GALNT9: variants seen among roughly 807,000 people sequenced by gnomAD.
GALNT9 encodes polypeptide N-acetylgalactosaminyltransferase 9, also known as GalNAc transferase 9.
In GALNT9, 47 loss-of-function variants were observed where a neutral mutation model predicts 63.1. The ratio of observed to expected loss-of-function variants is 0.75; its 90% CI spans 0.59 to 0.95. The LOEUF (loss-of-function observed/expected upper bound fraction) is 0.95, where lower values mean the gene tolerates loss of function less well. Among genes scored for constraint, GALNT9 ranks in the 40% least tolerant of loss-of-function variants. The pLI, the probability that GALNT9 is intolerant of heterozygous loss-of-function variation, is 0.00. For missense variants in GALNT9, 829 were observed against 874.8 expected, an observed-to-expected ratio of 0.95 and a Z score of 0.66; for synonymous variants, 396 against 365.7, an observed-to-expected ratio of 1.08 and a Z score of -0.94.
chr12:132,312,079 G>C (rs1881834735), intron 1 of GALNT9, among the ~76,000 whole-genome samples: 1 of 152,174 alleles, frequency 6.6e-6, no homozygotes, highest in Admixed American at 6.5e-5. Flanking sequence ...GGTCTTTTAA[G>C]ATTACCTGGG....
At position 132,316,222 on chromosome 12, in the gene GALNT9, C is replaced by G. The variant is rs1192724084; in HGVS notation, c.238+12744G>C. Among the ~76,000 whole-genome samples the G allele has an allele frequency of 4.6e-5, 7 of 152,008 alleles. No individual in the cohort carries two copies. Among genetic ancestry groups the G allele is most frequent in the African/African-American group, 1.7e-4 (7 of 41,374 alleles). On this transcript the variant is annotated intron_variant, in intron 1 of 10. Transcript: ENST00000328957. This position sits in a 1 kb window ranked among gnomAD's most constrained non-coding sequence, Gnocchi z 4.3. ...CCAGCAGAGGCATGAAGCTGGATCACAGTCAGTGCCTGCCCCGGGCCCCGA... is the reference window on the plus strand; with the variant it reads ...CCAGCAGAGGCATGAAGCTGGATCAGAGTCAGTGCCTGCCCCGGGCCCCGA...
At position 132,238,605 on chromosome 12, in the gene GALNT9, G is replaced by C. The variant is rs2136896153; in HGVS notation, c.1077+9305C>G. 2.4e-3 allele frequency among the ~76,000 whole-genome samples: 359 copies of C among 152,266 alleles called. 1 individual carries two copies. The highest frequency in any genetic ancestry group is 8.1e-3 in the African/African-American group (338 of 41,544). On this transcript the variant is annotated intron_variant, in intron 6 of 10. Transcript: ENST00000328957. This position sits in a 1 kb window ranked among gnomAD's most constrained non-coding sequence, Gnocchi z 6.5. The stretch of plus-strand genomic sequence containing the variant: ...CTCCTGGCCTGGCTGACCTGCACCT[G>C]GGCCAGTGGAAGGCGAAGGTGGGCA...
At chr12:132,220,606 G>A (rs2135519828) in intron 6 of GALNT9, among the ~76,000 whole-genome samples, 1 of 152,314 alleles carries the variant, frequency 6.6e-6, no homozygotes, top group East Asian at 1.9e-4. Flanking sequence ...GTTCCTTGGA[G>A]TGCAGAACCA....
At chr12:132,247,664 C>T (rs782082857) in intron 6 of GALNT9, 1 of 421,030 alleles carries the variant, frequency 2.4e-6, no homozygotes, top group South Asian at 2.9e-5. Context: ...TCGCCCTCAC[C>T]CCGTCCCCGG....
chr12:132,223,044 CAGACACA>C, intron 6 of GALNT9, among the ~76,000 whole-genome samples: 1 of 107,818 alleles, frequency 9.3e-6, no homozygotes, highest in Non-Finnish European at 2.0e-5. Flanking sequence ...CCCACACACA[CAGACACA>C]CCACACAACC....
At chr12:132,235,159 T>C (rs1374554058) in intron 6 of GALNT9, among the ~76,000 whole-genome samples, 12 of 61,910 alleles carry the variant, frequency 1.9e-4, no homozygotes, top group South Asian at 1.5e-3. Flanking sequence ...CTCGATGGGG[T>C]GACAGGGACA....
chr12:132,298,189 G>A (rs28578989), intron 1 of GALNT9, among the ~76,000 whole-genome samples: 25,414 of 151,306 alleles, frequency 0.17, 2,307 homozygotes, highest in African/African-American at 0.25. Context: ...TAACTAACTC[G>A]TTCCCAAGGA....
Position 132,244,782 on chromosome 12 carries a change from G to GGA in GALNT9, c.1077+3127_1077+3128insTC, listed in dbSNP as rs782669430. On this transcript the variant is annotated intron_variant, in intron 6 of 10. Transcript: ENST00000328957. ...GGGCGTGGTGATGGGGCTGGACGGG[G>GGA]GCGTGGTGATGGGGCTGGACGGGCA... Among the ~76,000 whole-genome samples, 1,008 of 103,790 alleles carry GGA rather than the reference G, an allele frequency of 9.7e-3. 53 individuals are homozygous for GGA. The highest frequency in any genetic ancestry group is 0.026 in the African/African-American group (660 of 25,826). 68.1% of individuals were successfully genotyped at this position (103,790 alleles called of 152,430 possible).
At position 132,297,715 on chromosome 12, in the gene GALNT9, G is replaced by A. The variant is rs143088031; in HGVS notation, c.239-11285C>T. ...ACCAACTCGTTCCCAAGATAAGCAAGCCACTCCCAAGATAACCAACACACT... is the reference window on the plus strand; with the variant it reads ...ACCAACTCGTTCCCAAGATAAGCAAACCACTCCCAAGATAACCAACACACT... On this transcript the variant is annotated intron_variant, in intron 1 of 10. Transcript: ENST00000328957. Among the ~76,000 whole-genome samples, 214 of 146,822 alleles carry A rather than the reference G, an allele frequency of 1.5e-3. 1 individual carries two copies. Among genetic ancestry groups the A allele is most frequent in the African/African-American group, 5.1e-3 (201 of 39,648 alleles).
At chr12:132,277,030 C>T (rs1880123648) in intron 2 of GALNT9, among the ~76,000 whole-genome samples, 1 of 151,936 alleles carries the variant, frequency 6.6e-6, no homozygotes. Flanking sequence ...CAGGCATGCA[C>T]ACATACACAC....
At position 132,282,404 on chromosome 12, in the gene GALNT9, C is replaced by T. The variant is rs551730659; in HGVS notation, c.419+3846G>A. The stretch of plus-strand genomic sequence containing the variant: ...AAAAAACTAAAAATACGTGTGTGCG[C>T]GTGTGTGCGTGTGTGTGCGTGTGTG... On this transcript the variant is annotated intron_variant, in intron 2 of 10. Coordinates refer to ENST00000328957, the MANE Select transcript of GALNT9 (RefSeq NM_001122636.2). This position sits in a 1 kb window ranked among gnomAD's most constrained non-coding sequence, Gnocchi z 4.5. 2.9e-3 allele frequency among the ~76,000 whole-genome samples: 434 copies of T among 149,572 alleles called. 1 individual carries two copies. Among genetic ancestry groups the T allele is most frequent in the African/African-American group, 9.2e-3 (359 of 39,204 alleles).
intron 6 of GALNT9, among the ~76,000 whole-genome samples, chr12:132,213,820 A>G (rs1877071320): frequency 1.3e-5 from 2 of 152,232 alleles, no homozygotes; most frequent in African/African-American, 4.8e-5. Flanking sequence ...AGCAGAATGC[A>G]GACACGTCCC....
chr12:132,297,254 T>A (rs1156815046), intron 1 of GALNT9, among the ~76,000 whole-genome samples: 1 of 136,818 alleles, frequency 7.3e-6, no homozygotes, highest in Non-Finnish European at 1.5e-5. Flanking sequence ...TCGAGATAAC[T>A]AACTCACTCC....
chr12:132,244,845 G>A (rs564919437), intron 6 of GALNT9, among the ~76,000 whole-genome samples: 1 of 151,058 alleles, frequency 6.6e-6, no homozygotes, highest in Non-Finnish European at 1.5e-5. Flanking sequence ...TGGTGATGGG[G>A]ACAGGTGAGT....
intron 6 of GALNT9, 60 bp from the exon 7 acceptor site, chr12:132,203,750 A>C: frequency 6.4e-7 from 1 of 1,552,994 alleles, no homozygotes; most frequent in South Asian, 1.2e-5. Context: ...CAGCCCGGCC[A>C]GCTAGGGGCC....
rs1881785961 is a variant in GALNT9 at position 132,310,825 on chromosome 12, G to A, written c.238+18141C>T. On this transcript the variant is annotated intron_variant, in intron 1 of 10. Transcript: ENST00000328957. This position sits in a 1 kb window ranked among gnomAD's most constrained non-coding sequence, Gnocchi z 4.8. ...CAAAGAGGAACTAGGTGTGGCTGTGGCCTGAGGGAGGTGATCCCCAAACAG... is the reference window on the plus strand; with the variant it reads ...CAAAGAGGAACTAGGTGTGGCTGTGACCTGAGGGAGGTGATCCCCAAACAG... 6.6e-6 allele frequency among the ~76,000 whole-genome samples: 1 copy of A among 152,158 alleles called. No individual in the cohort carries two copies.
rs1188017336 is a variant in GALNT9, at chr12:132,282,274, C to T, written c.419+3976G>A. 2.0e-5 allele frequency among the ~76,000 whole-genome samples: 3 copies of T among 151,980 alleles called. No individual in the cohort carries two copies. The highest frequency in any genetic ancestry group is 4.4e-5 in the Non-Finnish European group (3 of 67,988). On this transcript the variant is annotated intron_variant, in intron 2 of 10. Coordinates refer to ENST00000328957, the MANE Select transcript of GALNT9 (RefSeq NM_001122636.2). The surrounding 1 kb of genome is among the most constrained non-coding windows in gnomAD (Gnocchi z 4.5). ...CATCCCACAGAGGGGGAATCAGCTC[C>T]ACTACAGCAAGGCCAGGCCTGGGGT... is the stretch of plus-strand genomic sequence containing the variant.
At chr12:132,307,865 C>A (rs1053764167) in intron 1 of GALNT9, among the ~76,000 whole-genome samples, 6 of 149,534 alleles carry the variant, frequency 4.0e-5, no homozygotes, top group Non-Finnish European at 7.4e-5. Flanking sequence ...CCACAAAAAA[C>A]AAGTGTCTTA....
chr12:132,231,017 G>C (rs933607487), intron 6 of GALNT9, among the ~76,000 whole-genome samples: 176 of 140,230 alleles, frequency 1.3e-3, no homozygotes, highest in African/African-American at 4.2e-3. Flanking sequence ...GGAGTCCCTA[G>C]TGCCACACAC....
Sources: allele counts gnomAD v4.1 joint callset (sites outside exome capture counted in the v4.1 genomes callset), GRCh38; gene constraint gnomAD v4.1.1; non-coding constraint Gnocchi (gnomAD v3.1); transcripts MANE v1.5; gene names NCBI Gene and HGNC (gene_info 2026-07-23, HGNC 2026-07-21).